The following EPHA3 variants were observed in gnomAD, a reference collection of about 807,000 sequenced individuals.
The protein encoded by EPHA3 is ephrin type-A receptor 3.
Under a neutral mutation model 107.1 loss-of-function variants are expected in EPHA3, and 42 were observed. The ratio of observed to expected loss-of-function variants is 0.39; its 90% confidence interval spans 0.31 to 0.51. The LOEUF is 0.51. EPHA3 is among the 20% of genes least tolerant of loss of function. The pLI is 0.78. For missense variants in EPHA3, 1,183 were observed against 1,211.2 expected, an observed-to-expected ratio of 0.98 and a Z score of 0.35; for synonymous variants, 461 against 424.8, an observed-to-expected ratio of 1.09 and a Z score of -1.05.
chr3:89,352,093 C>T (rs1019268647), intron 5 of EPHA3, among the ~76,000 whole-genome samples: 3 of 151,132 alleles, frequency 2.0e-5, no homozygotes, highest in East Asian at 3.9e-4. Context: ...TGTAGATTTT[C>T]GATAGAAGGT....
intron 3 of EPHA3, among the ~76,000 whole-genome samples, chr3:89,304,527 C>T (rs1297183637): frequency 6.6e-6 from 1 of 151,816 alleles, no homozygotes; most frequent in Admixed American, 6.6e-5. Context: ...TGGGATTTGC[C>T]CTGGCTGTTC....
At chr3:89,407,995 C>T in intron 8 of EPHA3, 72 bp from the exon 9 acceptor site, 1 of 1,365,054 alleles carries the variant, frequency 7.3e-7, no homozygotes, top group South Asian at 1.3e-5. Context: ...TTATGCTTTG[C>T]ACATTCTGAG....
chr3:89,130,987 G>C, intron 2 of EPHA3, among the ~76,000 whole-genome samples: 1 of 152,230 alleles, frequency 6.6e-6, no homozygotes, highest in East Asian at 1.9e-4. Flanking sequence ...ACCTTGTAGG[G>C]AGATATGATA....
chr3:89,375,805 A>G (rs1331256470), intron 5 of EPHA3, among the ~76,000 whole-genome samples: 2 of 151,950 alleles, frequency 1.3e-5, no homozygotes, highest in Non-Finnish European at 2.9e-5. Context: ...GGTATCCTGG[A>G]AGAGCTGTAG....
At chr3:89,356,444 C>A (rs1487730504) in intron 5 of EPHA3, among the ~76,000 whole-genome samples, 1 of 151,054 alleles carries the variant, frequency 6.6e-6, no homozygotes, top group Non-Finnish European at 1.5e-5. Flanking sequence ...GTTTACAGTC[C>A]CACCAACAGT....
At chr3:89,342,438 A>C (rs1170340275) in intron 5 of EPHA3, among the ~76,000 whole-genome samples, 1 of 152,176 alleles carries the variant, frequency 6.6e-6, no homozygotes, top group Non-Finnish European at 1.5e-5. Context: ...AAAGTTATGC[A>C]GGATATGAAA....
At chr3:89,148,643 T>G (rs985645988) in intron 2 of EPHA3, among the ~76,000 whole-genome samples, 2 of 151,990 alleles carry the variant, frequency 1.3e-5, no homozygotes, top group Admixed American at 6.6e-5. Context: ...TGTATAACTT[T>G]CAGAATAATA....
At chr3:89,163,887 T>C (rs1705002577) in intron 2 of EPHA3, among the ~76,000 whole-genome samples, 2 of 152,190 alleles carry the variant, frequency 1.3e-5, no homozygotes, top group Non-Finnish European at 2.9e-5. Context: ...ATAAAACTGG[T>C]CTGGTGGTTT....
intron 5 of EPHA3, among the ~76,000 whole-genome samples, chr3:89,389,095 ACT>A (rs1441235930): frequency 1.3e-5 from 2 of 152,122 alleles, no homozygotes; most frequent in Non-Finnish European, 1.5e-5. Context: ...ATAAACTATA[ACT>A]CTGAGATTTT....
intron 1 of EPHA3, among the ~76,000 whole-genome samples, chr3:89,122,393 G>A (rs970697375): frequency 2.0e-5 from 3 of 152,122 alleles, no homozygotes; most frequent in African/African-American, 7.2e-5. Context: ...TATTATATGA[G>A]TTTGAAATTC....
chr3:89,254,457 G>T (rs1327646526), intron 3 of EPHA3, among the ~76,000 whole-genome samples: 1 of 152,104 alleles, frequency 6.6e-6, no homozygotes, highest in African/African-American at 2.4e-5. Context: ...AGGCCAAAAT[G>T]CTTCAGGCAC....
At chr3:89,271,927 A>G (rs535900946) in intron 3 of EPHA3, among the ~76,000 whole-genome samples, 2 of 152,020 alleles carry the variant, frequency 1.3e-5, no homozygotes, top group South Asian at 2.1e-4. Context: ...CCTCTTTTTC[A>G]GCTTACTTAA....
intron 1 of EPHA3, among the ~76,000 whole-genome samples, chr3:89,114,648 T>C (rs570627026): frequency 2.5e-4 from 38 of 152,276 alleles, no homozygotes; most frequent in African/African-American, 8.9e-4. Flanking sequence ...TGATGCTCTT[T>C]TGCTCCGGGT....
intron 3 of EPHA3, among the ~76,000 whole-genome samples, chr3:89,321,381 C>T (rs147083721): frequency 6.6e-6 from 1 of 152,140 alleles, no homozygotes; most frequent in African/African-American, 2.4e-5. Context: ...ATGAAAAATG[C>T]CATTCAATAA....
At chr3:89,474,441 T>A (rs1435075643) in intron 16 of EPHA3, among the ~76,000 whole-genome samples, 1 of 152,198 alleles carries the variant, frequency 6.6e-6, no homozygotes, top group Non-Finnish European at 1.5e-5. Flanking sequence ...TTTTTATAAA[T>A]TCTTATTTTA....
intron 13 of EPHA3, among the ~76,000 whole-genome samples, chr3:89,434,292 A>G (rs924824881): frequency 6.6e-6 from 1 of 152,122 alleles, no homozygotes; most frequent in African/African-American, 2.4e-5. Flanking sequence ...GTGTCGGTTC[A>G]CTGCAACCTC....
intron 3 of EPHA3, among the ~76,000 whole-genome samples, chr3:89,310,447 G>A (rs1239907037): frequency 6.6e-6 from 1 of 151,892 alleles, no homozygotes; most frequent in African/African-American, 2.4e-5. Context: ...TAGGTTAACT[G>A]AAAAGCACTT....
intron 2 of EPHA3, among the ~76,000 whole-genome samples, chr3:89,165,034 G>C (rs550655385): frequency 6.6e-6 from 1 of 152,250 alleles, no homozygotes; most frequent in South Asian, 2.1e-4. Context: ...AAAGATTGCA[G>C]GTCCTTCTTA....
intron 1 of EPHA3, among the ~76,000 whole-genome samples, chr3:89,115,203 G>T (rs1393368365): frequency 6.6e-6 from 1 of 151,604 alleles, no homozygotes; most frequent in South Asian, 2.1e-4. Flanking sequence ...CATCTTTTGG[G>T]CATTCAACTC....
Sources: allele counts gnomAD v4.1 joint callset (sites outside exome capture counted in the v4.1 genomes callset), GRCh38; gene constraint gnomAD v4.1.1; transcripts MANE v1.5; gene names NCBI Gene and HGNC (gene_info 2026-07-23, HGNC 2026-07-21).